PRKN: variants seen among roughly 807,000 people sequenced by gnomAD.
PRKN encodes parkin RBR E3 ubiquitin protein ligase, also known as E3 ubiquitin-protein ligase parkin.
In PRKN, 56 loss-of-function variants were observed where a neutral mutation model predicts 59.5. The ratio of observed to expected loss-of-function variants is 0.94; its 90% CI spans 0.76 to 1.18. The LOEUF (loss-of-function observed/expected upper bound fraction) is 1.18. PRKN is among the 50% of genes most tolerant of loss of function. The pLI is 0.00. For synonymous variants in PRKN, 250 were observed against 222.1 expected (o/e 1.13, Z -1.12); for missense variants, 657 against 596.4 (o/e 1.10, Z -1.06).
At chr6:161,967,142 A>G (rs1780613251) in intron 6 of PRKN, among the ~76,000 whole-genome samples, 1 of 152,198 alleles carries the variant, frequency 6.6e-6, no homozygotes, top group African/African-American at 2.4e-5. Flanking sequence ...AGAAAGAGTA[A>G]AATATTTTAT....
intron 7 of PRKN, among the ~76,000 whole-genome samples, chr6:161,660,070 G>GCTA (rs376576006): frequency 1.2e-4 from 18 of 151,950 alleles, no homozygotes; most frequent in Non-Finnish European, 1.9e-4. Flanking sequence ...GACTGCTGTT[G>GCTA]CTACTACTAC....
rs1325379670 is a variant in PRKN, at chr6:161,444,111, TGGACTGGG to T, written c.1084-57242_1084-57235del. On this transcript the variant is annotated intron_variant, in intron 9 of 11. Transcript: ENST00000366898. The surrounding 1 kb of genome is among the most constrained non-coding windows in gnomAD (Gnocchi z 5.6). ...GGTGAGCTCTGGAGCTTCTGGCTCCTGGACTGGGGGACTGGGAATCGGCCAGGCCAGGC... is the reference window on the plus strand; with the variant it reads ...GGTGAGCTCTGGAGCTTCTGGCTCCTGGACTGGGAATCGGCCAGGCCAGGC... 6.6e-6 allele frequency among the ~76,000 whole-genome samples: 1 copy of T among 152,182 alleles called. No individual in the cohort carries two copies. Among genetic ancestry groups the T allele is most frequent in the Non-Finnish European group, 1.5e-5 (1 of 68,024 alleles).
rs367716805 is a variant in PRKN, at chr6:161,457,492, A to T, written c.1084-70615T>A. Among the ~76,000 whole-genome samples, 7 of 152,352 alleles carry T rather than the reference A, an allele frequency of 4.6e-5. 1 individual carries two copies. Among genetic ancestry groups the T allele is most frequent in the African/African-American group, 1.7e-4 (7 of 41,582 alleles). On this transcript the variant is annotated intron_variant, in intron 9 of 11. Coordinates refer to ENST00000366898, the MANE Select transcript of PRKN (RefSeq NM_004562.3). This position sits in a 1 kb window ranked among gnomAD's most constrained non-coding sequence, Gnocchi z 5.0. ...AAGGATACATGGATGTCATATAAATAACTCAAAATTCATGTTTATATTTAT... is the reference window on the plus strand; with the variant it reads ...AAGGATACATGGATGTCATATAAATTACTCAAAATTCATGTTTATATTTAT...
At chr6:162,369,646 C>A (rs143145721) in intron 2 of PRKN, among the ~76,000 whole-genome samples, 2 of 152,084 alleles carry the variant, frequency 1.3e-5, no homozygotes, top group African/African-American at 4.8e-5. Context: ...CTATTGAGTA[C>A]GTAGTTTAAA....
intron 1 of PRKN, among the ~76,000 whole-genome samples, chr6:162,522,536 A>T (rs1778119012): frequency 6.6e-6 from 1 of 152,216 alleles, no homozygotes; most frequent in African/African-American, 2.4e-5. Context: ...TGCTTTGTTA[A>T]ACTGTTTCTA....
chr6:162,632,454 A>G (rs1377658570), intron 1 of PRKN, among the ~76,000 whole-genome samples: 1 of 152,176 alleles, frequency 6.6e-6, no homozygotes, highest in Non-Finnish European at 1.5e-5. Flanking sequence ...GGAACTAAAC[A>G]TTGAACACAC....
At chr6:161,412,632 G>A (rs1403117069) in intron 9 of PRKN, among the ~76,000 whole-genome samples, 5 of 99,790 alleles carry the variant, frequency 5.0e-5, no homozygotes, top group Non-Finnish European at 1.0e-4. Flanking sequence ...TCATTCCTCG[G>A]CTCACTCATT....
In PRKN at chr6:161,547,984, C is replaced by A. The variant is rs1415049371; in HGVS notation, c.1083+870G>T. On this transcript the variant is annotated intron_variant, in intron 9 of 11. Transcript: ENST00000366898. This position sits in a 1 kb window ranked among gnomAD's most constrained non-coding sequence, Gnocchi z 4.0. ...TGCTAATTTATTTCTAGATGACTTA[C>A]AGTGCTCAGCCCCAAATCAAGACTG... Among the ~76,000 whole-genome samples the A allele has an allele frequency of 6.6e-6, 1 of 152,192 alleles. No individual in the cohort carries two copies.
chr6:162,219,677 T>C (rs1338942416), intron 3 of PRKN, among the ~76,000 whole-genome samples: 1 of 152,126 alleles, frequency 6.6e-6, no homozygotes, highest in African/African-American at 2.4e-5. Context: ...CAAATGGGTA[T>C]CTTCAATTAA....
At chr6:161,455,665 A>G (rs1233742113) in intron 9 of PRKN, among the ~76,000 whole-genome samples, 1 of 151,952 alleles carries the variant, frequency 6.6e-6, no homozygotes, top group Non-Finnish European at 1.5e-5. Flanking sequence ...GGAGACCGAG[A>G]CCATCTTGGC....
At chr6:162,341,996 T>A (rs764679557) in intron 2 of PRKN, among the ~76,000 whole-genome samples, 3 of 152,200 alleles carry the variant, frequency 2.0e-5, no homozygotes, top group Non-Finnish European at 4.4e-5. Context: ...TGTAGAGGGT[T>A]TGCTTTTTAA....
chr6:162,213,804 T>TACACACACACACACACAC (rs58192789), intron 3 of PRKN, among the ~76,000 whole-genome samples: 1 of 126,582 alleles, frequency 7.9e-6, no homozygotes, highest in Non-Finnish European at 1.7e-5. Context: ...AAAAAAACCA[T>TACACACACACACACACAC]ACACACACAC....
At chr6:161,707,632 A>G (rs1301881635) in intron 7 of PRKN, among the ~76,000 whole-genome samples, 1 of 152,238 alleles carries the variant, frequency 6.6e-6, no homozygotes, top group Non-Finnish European at 1.5e-5. Flanking sequence ...TATCATTGAA[A>G]TATTAGTGGG....
Position 161,463,791 on chromosome 6 carries a change from G to A in PRKN, c.1084-76914C>T, listed in dbSNP as rs906976360. On this transcript the variant is annotated intron_variant, in intron 9 of 11. Transcript: ENST00000366898. This position sits in a 1 kb window ranked among gnomAD's most constrained non-coding sequence, Gnocchi z 4.8. ...TTTGGAAGTATAATCTTTATCTAGTGATCACTTTTCCAACATTTCCATCCA... is the reference window on the plus strand; with the variant it reads ...TTTGGAAGTATAATCTTTATCTAGTAATCACTTTTCCAACATTTCCATCCA... 6.6e-6 allele frequency among the ~76,000 whole-genome samples: 1 copy of A among 152,128 alleles called. No homozygotes were observed. The highest frequency in any genetic ancestry group is 1.5e-5 in the Non-Finnish European group (1 of 68,040).
At chr6:162,465,200 C>T (rs77148667) in intron 1 of PRKN, among the ~76,000 whole-genome samples, 14,250 of 152,222 alleles carry the variant, frequency 0.094, 860 homozygotes, top group Non-Finnish European at 0.13. Flanking sequence ...CAACTCTGTC[C>T]AAGCTTGCAT....
intron 2 of PRKN, among the ~76,000 whole-genome samples, chr6:162,276,402 G>T (rs1054013836): frequency 4.6e-5 from 7 of 152,072 alleles, no homozygotes; most frequent in African/African-American, 1.4e-4. Context: ...CCTCATTAAA[G>T]ATGTATAGTC....
At chr6:162,116,918 C>T (rs932693932) in intron 4 of PRKN, among the ~76,000 whole-genome samples, 1 of 152,134 alleles carries the variant, frequency 6.6e-6, no homozygotes, top group Admixed American at 6.5e-5. Context: ...TTTTAGTCTG[C>T]TTATATTGCA....
intron 5 of PRKN, among the ~76,000 whole-genome samples, chr6:162,043,059 C>T (rs1215198846): frequency 1.3e-5 from 2 of 152,136 alleles, no homozygotes; most frequent in African/African-American, 4.8e-5. Context: ...AAAAGCACTT[C>T]TTACATGGCA....
intron 6 of PRKN, among the ~76,000 whole-genome samples, chr6:161,843,802 T>C (rs983948320): frequency 1.3e-5 from 2 of 152,110 alleles, no homozygotes; most frequent in African/African-American, 4.8e-5. Context: ...AATAAATTCA[T>C]TCATTCATTC....
Sources: gnomAD v4.1 joint callset for allele counts (sites outside exome capture counted in the v4.1 genomes callset) on GRCh38, gnomAD v4.1.1 for gene constraint, Gnocchi (gnomAD v3.1) non-coding constraint, MANE v1.5 for transcripts, NCBI Gene and HGNC (gene_info 2026-07-23, HGNC 2026-07-21) for gene names.